The following ITPRID1 variants were observed in gnomAD, a reference collection of about 807,000 sequenced individuals.
ITPRID1 encodes protein ITPRID1.
Under a neutral mutation model 95.4 loss-of-function variants are expected in ITPRID1, and 96 were observed. That is an observed-to-expected ratio of 1.01 (90% CI 0.85 to 1.19). ITPRID1 has a LOEUF of 1.19. Among genes scored for constraint, ITPRID1 ranks in the 50% most tolerant of loss-of-function variants. The pLI is 0.00. For missense variants in ITPRID1, 1,339 were observed against 1,252.9 expected, an observed-to-expected ratio of 1.07 and a Z score of -1.04; for synonymous variants, 510 against 453.6, an observed-to-expected ratio of 1.12 and a Z score of -1.58.
Position 31,653,607 on chromosome 7 carries a change from G to A in ITPRID1, c.*778G>A, listed in dbSNP as rs560529541. The A allele has an allele frequency of 1.3e-5, 2 of 152,056 alleles. No homozygotes were observed. Among genetic ancestry groups the A allele is most frequent in the East Asian group, 3.9e-4 (2 of 5,166 alleles). The allele number at this position is 152,056 out of a possible 1,614,324, so 9.4% of individuals were successfully genotyped here. On this transcript the variant is annotated 3_prime_UTR_variant, in exon 15 of 15. Transcript: ENST00000615280. ...AATTTCCCAGTGGGCAAATTGTGAG[G>A]GAGGTATTTAGCTTTTAAAAAAATC...
rs185360821 is a variant in ITPRID1, at chr7:31,626,551, A to T, written c.1229-15625A>T. 5.6e-3 allele frequency among the ~76,000 whole-genome samples: 848 copies of T among 152,230 alleles called. 6 individuals carry two copies. Among genetic ancestry groups the T allele is most frequent in the Non-Finnish European group, 7.9e-3 (540 of 68,004 alleles). ...TCACAAAGATGGATACAACTGTTTA[A>T]TTTTATATTTTTCCTGCAGTAGTTA... On this transcript the variant is annotated intron_variant, in intron 10 of 14. Coordinates refer to ENST00000615280, the MANE Select transcript of ITPRID1 (RefSeq NM_001257967.3).
chr7:31,527,169 A>G (rs879508828), intron 1 of ITPRID1, among the ~76,000 whole-genome samples: 7 of 152,100 alleles, frequency 4.6e-5, no homozygotes, highest in Non-Finnish European at 1.0e-4. Context: ...TCCCCACCCC[A>G]TGCAAAGGAC....
chr7:31,630,858 A>G (rs977473157), intron 10 of ITPRID1, among the ~76,000 whole-genome samples: 1 of 152,148 alleles, frequency 6.6e-6, no homozygotes, highest in Non-Finnish European at 1.5e-5. Context: ...GAAAACAGGA[A>G]TTACAACATT....
intron 1 of ITPRID1, among the ~76,000 whole-genome samples, chr7:31,515,490 G>A (rs1181415350): frequency 5.9e-5 from 9 of 152,058 alleles, no homozygotes; most frequent in South Asian, 2.1e-4. Flanking sequence ...CAGGAGAATC[G>A]CTTGAACCTG....
At chr7:31,629,481 CATT>C (rs1788801322) in intron 10 of ITPRID1, among the ~76,000 whole-genome samples, 1 of 152,124 alleles carries the variant, frequency 6.6e-6, no homozygotes, top group Admixed American at 6.5e-5. Flanking sequence ...AAACAGTTAT[CATT>C]AGGTTGTGCC....
intron 5 of ITPRID1, among the ~76,000 whole-genome samples, chr7:31,568,033 C>T (rs1049350525): frequency 5.3e-5 from 8 of 151,052 alleles, no homozygotes; most frequent in African/African-American, 9.7e-5. Flanking sequence ...GGCTGAGGCA[C>T]GAGAATCACT....
At chr7:31,575,759 C>G (rs570240282) in intron 8 of ITPRID1, among the ~76,000 whole-genome samples, 1 of 152,278 alleles carries the variant, frequency 6.6e-6, no homozygotes, top group South Asian at 2.1e-4. Flanking sequence ...AAAGGAAAGT[C>G]ATGTGAGACA....
chr7:31,525,728 A>G (rs1375123121), intron 1 of ITPRID1, among the ~76,000 whole-genome samples: 2 of 152,200 alleles, frequency 1.3e-5, no homozygotes, highest in African/African-American at 2.4e-5. Context: ...GTTAAAATGA[A>G]ACACTATCTT....
downstream of ITPRID1, chr7:31,658,187 T>C: frequency 8.3e-7 from 1 of 1,198,856 alleles, no homozygotes; most frequent in Non-Finnish European, 1.1e-6. Context: ...TGTGTAAGGA[T>C]ATTCGTTTTT....
chr7:31,534,931 A>C (rs541070722), intron 1 of ITPRID1, among the ~76,000 whole-genome samples: 1 of 151,790 alleles, frequency 6.6e-6, no homozygotes, highest in South Asian at 2.1e-4. Flanking sequence ...GATTCTTTTA[A>C]ATTTATTTTT....
At chr7:31,549,885 A>G in intron 2 of ITPRID1, among the ~76,000 whole-genome samples, 1 of 152,190 alleles carries the variant, frequency 6.6e-6, no homozygotes, top group East Asian at 1.9e-4. Flanking sequence ...GCATAAAGAT[A>G]CAAAAAGTGA....
At chr7:31,583,572 G>C (rs752181829) in intron 10 of ITPRID1, among the ~76,000 whole-genome samples, 39 of 152,270 alleles carry the variant, frequency 2.6e-4, no homozygotes, top group Middle Eastern at 6.8e-3. Context: ...AGGTTGCAGT[G>C]AGCTGAAATC....
intron 10 of ITPRID1, among the ~76,000 whole-genome samples, chr7:31,602,444 T>C (rs984386525): frequency 6.6e-6 from 1 of 152,224 alleles, no homozygotes; most frequent in African/African-American, 2.4e-5. Context: ...TGCTTATTTG[T>C]TGTTTATTCA....
intron 10 of ITPRID1, among the ~76,000 whole-genome samples, chr7:31,595,289 C>A (rs1489785052): frequency 6.6e-6 from 1 of 151,378 alleles, no homozygotes; most frequent in East Asian, 1.9e-4. Context: ...AGGTGATCCA[C>A]CCGCCTTGGT....
At chr7:31,566,242 A>C (rs1008672615) in intron 5 of ITPRID1, among the ~76,000 whole-genome samples, 1 of 152,068 alleles carries the variant, frequency 6.6e-6, no homozygotes, top group Non-Finnish European at 1.5e-5. Context: ...GGCTGAGCTA[A>C]CTCTTCTCAT....
intron 10 of ITPRID1, among the ~76,000 whole-genome samples, chr7:31,631,651 T>C (rs1789009029): frequency 6.6e-6 from 1 of 152,074 alleles, no homozygotes; most frequent in East Asian, 1.9e-4. Flanking sequence ...AAGGGACTGC[T>C]AGACCTGGAG....
In ITPRID1 at chr7:31,553,988, A is replaced by C. The variant is rs138782862; in HGVS notation, c.164-487A>C. ...TTGGCAATCCAGGGACTCTAGTGCA[A>C]TTTGTCCCTGGAATGAATGCAAATT... On this transcript the variant is annotated intron_variant, in intron 3 of 14. Transcript: ENST00000615280. Among the ~76,000 whole-genome samples the C allele has an allele frequency of 1.6e-3, 237 of 152,272 alleles. 1 individual carries two copies. The highest frequency in any genetic ancestry group is 5.5e-3 in the African/African-American group (227 of 41,558).
intron 10 of ITPRID1, among the ~76,000 whole-genome samples, chr7:31,636,412 G>C (rs6943694): frequency 1.3e-5 from 2 of 152,034 alleles, no homozygotes; most frequent in Admixed American, 6.6e-5. Flanking sequence ...AATAGTAACT[G>C]CTTCGAGATT....
At chr7:31,553,764 T>C (rs1263666125) in intron 3 of ITPRID1, among the ~76,000 whole-genome samples, 1 of 152,188 alleles carries the variant, frequency 6.6e-6, no homozygotes, top group Non-Finnish European at 1.5e-5. Flanking sequence ...GTGAGGGAGA[T>C]AATTCAGGCA....
Sources: allele counts gnomAD v4.1 joint callset (sites outside exome capture counted in the v4.1 genomes callset), GRCh38; gene constraint gnomAD v4.1.1; transcripts MANE v1.5; gene names NCBI Gene and HGNC (gene_info 2026-07-23, HGNC 2026-07-21).